The following SLC26A11 variants were observed in gnomAD, a reference collection of about 807,000 sequenced individuals.
SLC26A11 encodes the protein solute carrier family 26 member 11.
In SLC26A11, 58 loss-of-function variants were observed where a neutral mutation model predicts 62.2. That is an observed-to-expected ratio of 0.93 (90% CI 0.76 to 1.16). The LOEUF (loss-of-function observed/expected upper bound fraction) is 1.16, where lower values mean the gene tolerates loss of function less well. Among genes scored for constraint, SLC26A11 ranks in the 50% most tolerant of loss-of-function variants. The probability of loss-of-function intolerance (pLI) is 0.00; values close to 1 mark genes in which losing one functional copy is unlikely to be tolerated. For missense variants in SLC26A11, 790 were observed against 794.3 expected (o/e 0.99, Z 0.06); for synonymous variants, 411 against 368.9 (o/e 1.11, Z -1.31).
At position 80,246,161 on chromosome 17, in the gene SLC26A11, G is replaced by A. The variant is rs147759020; in HGVS notation, c.1105G>A (p.Val369Met). 4.8e-4 allele frequency: 777 copies of A among 1,613,242 alleles called. 12 individuals are homozygous for A. The East Asian group carries it at 0.013, about 27-fold the overall frequency. ...PVTGSFGRTA[V>M]NAQSGVCTPA... The stretch of plus-strand genomic sequence containing the variant: ...CTCTGTGTTGCCTTCCAGGACAGCC[G>A]TGAACGCTCAGTCGGGGGTGTGCAC... Residue 369 changes from valine (V) to methionine (M), a missense_variant, in exon 12 of 18, where the codon GTG becomes ATG. Val to Met is a conservative substitution (Grantham distance 21). Transcript: ENST00000361193. The surrounding 1 kb of genome is among the most constrained non-coding windows in gnomAD (Gnocchi z 4.4).
chr17:80,221,709 T>C lies in SLC26A11; in HGVS notation c.149T>C (p.Met50Thr), dbSNP rs2042205540. The part of the protein sequence containing the change: ...LPSYSLQWLK[M>T]DFVAGLSVGL... The stretch of plus-strand genomic sequence containing the variant: ...AGCTACTCCCTGCAGTGGCTGAAGA[T>C]GGATTTCGTCGCCGGCCTCTCAGTT... Residue 50 changes from methionine (M) to threonine (T), a missense_variant, in exon 3 of 18, where the codon ATG becomes ACG. By Grantham distance (81) the Met-to-Thr change is moderately conservative (BLOSUM62 -1). Coordinates refer to ENST00000361193, the MANE Select transcript of SLC26A11 (RefSeq NM_001166347.2). 3.7e-6 allele frequency: 6 copies of C among 1,613,656 alleles called. No homozygotes were observed. In the African/African-American group the frequency reaches 5.3e-5, roughly 14 times the overall value.
chr17:80,229,542 G>A (rs1031403367), intron 7 of SLC26A11, among the ~76,000 whole-genome samples: 3 of 151,880 alleles, frequency 2.0e-5, no homozygotes, highest in Admixed American at 1.3e-4. Flanking sequence ...CAATTATCCC[G>A]CCTCAGCCTC....
chr17:80,223,091 T>C lies in SLC26A11; in HGVS notation c.428-161T>C. ...TCAGACCCCAGTCTCCCTTTTCTGC[T>C]CTCCAAAAACAGCCAAACAGGGTGT... On this transcript the variant is annotated intron_variant, in intron 4 of 17. Coordinates refer to ENST00000361193, the MANE Select transcript of SLC26A11 (RefSeq NM_001166347.2). The surrounding 1 kb of genome is among the most constrained non-coding windows in gnomAD (Gnocchi z 4.6). 1.3e-6 allele frequency: 1 copy of C among 762,724 alleles called. No individual in the cohort carries two copies. Among genetic ancestry groups the C allele is most frequent in the Non-Finnish European group, 2.2e-6 (1 of 456,316 alleles). 47.2% of individuals were successfully genotyped at this position (762,724 alleles called of 1,614,324 possible).
At chr17:80,251,495 G>A in intron 17 of SLC26A11, 94 bp downstream of exon 17, 3 of 1,511,620 alleles carry the variant, frequency 2.0e-6, no homozygotes, top group Non-Finnish European at 2.7e-6. Flanking sequence ...GGGCACAGTG[G>A]CTCATGCCTG....
intron 10 of SLC26A11, 119 bp downstream of exon 10, chr17:80,241,940 C>A: frequency 1.8e-6 from 2 of 1,137,278 alleles, no homozygotes; most frequent in Non-Finnish European, 2.7e-6. Flanking sequence ...ACTGGGAGGG[C>A]AAAGGTGGCC....
At chr17:80,237,414 C>G (rs756017405) in intron 8 of SLC26A11, 108 bp from the exon 9 acceptor site, 1 of 1,064,256 alleles carries the variant, frequency 9.4e-7, no homozygotes, top group Non-Finnish European at 1.4e-6. Context: ...CTGACAAGCA[C>G]TTGCTCCTGT....
At chr17:80,244,821 C>T (rs931284798) in intron 10 of SLC26A11, among the ~76,000 whole-genome samples, 1 of 152,038 alleles carries the variant, frequency 6.6e-6, no homozygotes, top group Non-Finnish European at 1.5e-5. Flanking sequence ...ACTAAAAATA[C>T]AGAAATTAGC....
chr17:80,236,148 T>C (rs1238187641), intron 7 of SLC26A11, among the ~76,000 whole-genome samples: 2 of 152,246 alleles, frequency 1.3e-5, no homozygotes, highest in Non-Finnish European at 2.9e-5. Flanking sequence ...TTTTTTACTC[T>C]GGTGTGAATC....
intron 8 of SLC26A11, 152 bp from the exon 9 acceptor site, chr17:80,237,370 G>A: frequency 1.3e-6 from 1 of 793,666 alleles, no homozygotes; most frequent in Non-Finnish European, 2.0e-6. Context: ...CCCAGCACCT[G>A]GCGCCTCTTC....
rs1381174604 is a variant in SLC26A11, at chr17:80,246,202, G to A, written c.1146G>A (p.Leu382=). ...QSGVCTPAGG[L]VTGVLVLLSL... ...GGGTGTGCACCCCGGCGGGGGGCCTGGTGACGGGTAAGGCCCCCCATCTTC... is the reference window on the plus strand; with the variant it reads ...GGGTGTGCACCCCGGCGGGGGGCCTAGTGACGGGTAAGGCCCCCCATCTTC... The change falls in exon 12 of 18, where the codon CTG becomes CTA. Residue 382 remains leucine (L), a synonymous_variant. Coordinates refer to ENST00000361193, the MANE Select transcript of SLC26A11 (RefSeq NM_001166347.2). The surrounding 1 kb of genome is among the most constrained non-coding windows in gnomAD (Gnocchi z 4.4). 2 of 1,611,470 alleles carry A rather than the reference G, an allele frequency of 1.2e-6. No individual in the cohort carries two copies. The highest frequency in any genetic ancestry group is 1.3e-5 in the African/African-American group (1 of 74,896).
intron 9 of SLC26A11, among the ~76,000 whole-genome samples, chr17:80,238,828 T>TTTTTG (rs1270010208): frequency 5.1e-5 from 7 of 136,322 alleles, no homozygotes; most frequent in African/African-American, 1.7e-4. Flanking sequence ...TTGTTTTTTG[T>TTTTTG]TTTTTTTTTT....
At chr17:80,240,360 C>T (rs953081333) in intron 9 of SLC26A11, among the ~76,000 whole-genome samples, 12 of 151,640 alleles carry the variant, frequency 7.9e-5, no homozygotes, top group African/African-American at 2.9e-4. Context: ...GAGCAAGACT[C>T]CGTCTCAAAA....
rs764133676 is a variant in SLC26A11, at chr17:80,246,597, C to T, written c.1242C>T (p.Ala414=). 1.2e-5 allele frequency: 19 copies of T among 1,614,036 alleles called. No homozygotes were observed. In the East Asian group the frequency reaches 2.2e-4, roughly 19 times the overall value. ...KSALAAVIIM[A]VAPLFDTKIF... is the part of the protein sequence containing the mutation. Reference sequence around the variant, plus strand: ...CCCTGGCTGCCGTCATCATCATGGCCGTGGCCCCGCTGTTCGACACCAAGA... The same window carrying T: ...CCCTGGCTGCCGTCATCATCATGGCTGTGGCCCCGCTGTTCGACACCAAGA... The change falls in exon 13 of 18, where the codon GCC becomes GCT. Residue 414 remains alanine (A), a synonymous_variant. Coordinates refer to ENST00000361193, the MANE Select transcript of SLC26A11 (RefSeq NM_001166347.2). The surrounding 1 kb of genome is among the most constrained non-coding windows in gnomAD (Gnocchi z 4.4).
rs1276063968 is a variant in SLC26A11 at position 80,238,811 on chromosome 17, G to GTTTTTTTTT, written c.985+1225_985+1226insTTTTTTTTT. On this transcript the variant is annotated intron_variant, in intron 9 of 17. Coordinates refer to ENST00000361193, the MANE Select transcript of SLC26A11 (RefSeq NM_001166347.2). ...TCTAACCCTTACCCCCTTCAAAGGA[G>GTTTTTTTTT]TTTTTTTTGTTTTTTGTTTTTTTTT... Among the ~76,000 whole-genome samples the GTTTTTTTTT allele has an allele frequency of 2.4e-4, 29 of 123,260 alleles. 2 individuals carry two copies. Among genetic ancestry groups the GTTTTTTTTT allele is most frequent in the African/African-American group, 8.6e-4 (25 of 29,228 alleles). 80.9% of individuals were successfully genotyped at this position (123,260 alleles called of 152,430 possible).
chr17:80,224,306 TGTGA>T (rs1567943923), intron 5 of SLC26A11, among the ~76,000 whole-genome samples: 3 of 137,700 alleles, frequency 2.2e-5, no homozygotes, highest in Non-Finnish European at 4.5e-5. Context: ...TGCGTGTGTG[TGTGA>T]GAGAGTGTGA....
In SLC26A11 at chr17:80,223,706, G is replaced by A. The variant is rs1036018281; in HGVS notation, c.513+369G>A. Among the ~76,000 whole-genome samples, 2 of 152,180 alleles carry A rather than the reference G, an allele frequency of 1.3e-5. No homozygotes were observed. The highest frequency in any genetic ancestry group is 4.8e-5 in the African/African-American group (2 of 41,430). On this transcript the variant is annotated intron_variant, in intron 5 of 17. Coordinates refer to ENST00000361193, the MANE Select transcript of SLC26A11 (RefSeq NM_001166347.2). The surrounding 1 kb of genome is among the most constrained non-coding windows in gnomAD (Gnocchi z 4.6). Reference sequence around the variant, plus strand: ...CCCACCAGTCATGAGCATGCTGCTAGAATTTCTATAGGCAAATTATTTCCC... The same window carrying A: ...CCCACCAGTCATGAGCATGCTGCTAAAATTTCTATAGGCAAATTATTTCCC...
At position 80,225,902 on chromosome 17, in the gene SLC26A11, G is replaced by T. The variant is rs751866378; in HGVS notation, c.579G>T (p.Arg193Ser). 6.2e-7 allele frequency: 1 copy of T among 1,613,964 alleles called. No individual in the cohort carries two copies. The highest frequency in any genetic ancestry group is 1.7e-5 in the Admixed American group (1 of 60,004). The stretch of plus-strand genomic sequence containing the variant: ...TGCAGGTGTACCACACCTTCCTCAG[G>T]ATTGCAGAGACCAGGTACCCCGGGC... ...FFLQVYHTFL[R>S]IAETRVGDAV... Residue 193 changes from arginine to serine, a missense_variant, in exon 6 of 18, where the codon AGG becomes AGT. Arg to Ser is a moderately radical substitution (Grantham distance 110). Transcript: ENST00000361193.
chr17:80,246,108 C>A lies in SLC26A11; in HGVS notation c.1098-46C>A. On this transcript the variant is annotated intron_variant, in intron 11 of 17. Transcript: ENST00000361193. This position sits in a 1 kb window ranked among gnomAD's most constrained non-coding sequence, Gnocchi z 4.4. ...CACAGGAGTGTGGACTGAGGTCTCC[C>A]TTTTCCCGGCCCCTGGTGACTGACG... The A allele has an allele frequency of 6.2e-7, 1 of 1,610,552 alleles. No individual in the cohort carries two copies. Among genetic ancestry groups the A allele is most frequent in the Non-Finnish European group, 8.5e-7 (1 of 1,177,688 alleles).
Position 80,248,626 on chromosome 17 carries a change from C to T in SLC26A11, c.1474C>T (p.Pro492Ser). ...VLQPASGLSF[P>S]AMEALREEIL... ...GCAGCCGGCCAGCGGCCTGTCCTTC[C>T]CTGCCATGGAGGCTCTGCGGGAGGA... The change falls in exon 15 of 18, where the codon CCT becomes TCT. Residue 492 changes from proline (P) to serine (S), a missense_variant. Pro to Ser is a moderately conservative substitution (Grantham distance 74). Coordinates refer to ENST00000361193, the MANE Select transcript of SLC26A11 (RefSeq NM_001166347.2). 3 of 1,590,312 alleles carry T rather than the reference C, an allele frequency of 1.9e-6. No individual in the cohort carries two copies. Among genetic ancestry groups the T allele is most frequent in the African/African-American group, 1.3e-5 (1 of 74,538 alleles).
Sources: allele counts gnomAD v4.1 joint callset (sites outside exome capture counted in the v4.1 genomes callset), GRCh38; gene constraint gnomAD v4.1.1; non-coding constraint Gnocchi (gnomAD v3.1); transcripts MANE v1.5; gene names NCBI Gene and HGNC (gene_info 2026-07-23, HGNC 2026-07-21).